Variants in GLIS3 observed in about 807,000 individuals in gnomAD.
GLIS3 encodes zinc finger protein GLIS3.
Under a neutral mutation model 78.6 loss-of-function variants are expected in GLIS3, and 53 were observed. The observed-to-expected ratio is 0.67, with a 90% CI of 0.54 to 0.85. GLIS3 has a LOEUF of 0.85. Among genes scored for constraint, GLIS3 ranks in the 40% least tolerant of loss-of-function variants. The probability of loss-of-function intolerance (pLI) is 0.00; values close to 1 mark genes in which losing one functional copy is unlikely to be tolerated. For synonymous variants in GLIS3, 684 were observed against 509.9 expected, an observed-to-expected ratio of 1.34 and a Z score of -4.60; for missense variants, 1,703 against 1,231.1, an observed-to-expected ratio of 1.38 and a Z score of -5.74.
At chr9:4,420,586 C>A in the GLIS3 span, among the ~76,000 whole-genome samples, 2 of 152,072 alleles carry the variant, frequency 1.3e-5, no homozygotes, top group African/African-American at 2.4e-5. Flanking sequence ...GTTTTCTCTC[C>A]CTAATGTTTA....
In GLIS3 at chr9:4,252,741, G is replaced by A. The variant is rs147178810; in HGVS notation, c.388+33297C>T. On this transcript the variant is annotated intron_variant, in intron 2 of 10. Transcript: ENST00000381971. Reference sequence around the variant, plus strand: ...TTTGTGCTGGATTTCCCTCATCTTCGTGGATTTATCTGTCTTTGGTCTTTG... The same window carrying A: ...TTTGTGCTGGATTTCCCTCATCTTCATGGATTTATCTGTCTTTGGTCTTTG... 5.5e-4 allele frequency among the ~76,000 whole-genome samples: 83 copies of A among 152,270 alleles called. 1 individual carries two copies. In the East Asian group the frequency reaches 0.014, roughly 27 times the overall value.
At chr9:4,074,172 G>A (rs1223143564) in intron 4 of GLIS3, among the ~76,000 whole-genome samples, 2 of 152,142 alleles carry the variant, frequency 1.3e-5, no homozygotes, top group Non-Finnish European at 2.9e-5. Flanking sequence ...TCCAGCCTAG[G>A]GATGGTCAAT....
the GLIS3 span, among the ~76,000 whole-genome samples, chr9:4,361,048 AGAG>A: frequency 6.6e-6 from 1 of 152,234 alleles, no homozygotes; most frequent in East Asian, 1.9e-4. Flanking sequence ...GCATCAGTCA[AGAG>A]TACACATGAA....
In GLIS3 at chr9:4,118,498, A is replaced by C; in HGVS notation, c.980T>G (p.Leu327Trp). The C allele has an allele frequency of 6.2e-7, 1 of 1,614,186 alleles. No homozygotes were observed. The highest frequency in any genetic ancestry group is 8.5e-7 in the Non-Finnish European group (1 of 1,180,016). ...NTIIRTSPTS[L>W]VAYINGSRAS... ...CCTCGACCCGTTGATGTAGGCCACCAAGGACGTGGGCGACGTGCGGATGAT... is the reference window on the plus strand; with the variant it reads ...CCTCGACCCGTTGATGTAGGCCACCCAGGACGTGGGCGACGTGCGGATGAT... The change falls in exon 4 of 11, where the codon TTG becomes TGG. Residue 327 changes from leucine to tryptophan, a missense_variant. Transcript: ENST00000381971. The surrounding 1 kb of genome is among the most constrained non-coding windows in gnomAD (Gnocchi z 4.7).
chr9:3,885,618 G>C (rs927919473), intron 7 of GLIS3, among the ~76,000 whole-genome samples: 1 of 152,198 alleles, frequency 6.6e-6, no homozygotes. Flanking sequence ...CGGAGGATAA[G>C]CTAATCAATG....
At chr9:3,903,613 A>G (rs955518170) in intron 6 of GLIS3, among the ~76,000 whole-genome samples, 3 of 152,156 alleles carry the variant, frequency 2.0e-5, no homozygotes, top group Non-Finnish European at 2.9e-5. Flanking sequence ...TTGGGCCTCA[A>G]CCATATGCCA....
At chr9:4,079,268 G>A (rs1247375861) in intron 4 of GLIS3, among the ~76,000 whole-genome samples, 1 of 152,182 alleles carries the variant, frequency 6.6e-6, no homozygotes, top group African/African-American at 2.4e-5. Flanking sequence ...AAAGGTATTA[G>A]AATTATTCCC....
intron 4 of GLIS3, among the ~76,000 whole-genome samples, chr9:3,998,063 G>A (rs1167830458): frequency 1.3e-5 from 2 of 151,936 alleles, no homozygotes; most frequent in Non-Finnish European, 2.9e-5. Flanking sequence ...TGCTTAAATT[G>A]CCTTACATGA....
the GLIS3 span, among the ~76,000 whole-genome samples, chr9:4,356,082 T>A: frequency 6.6e-6 from 1 of 152,240 alleles, no homozygotes; most frequent in African/African-American, 2.4e-5. Flanking sequence ...CTGAGTGGTC[T>A]TGGCCAAGTC....
chr9:3,917,550 G>A (rs1484836549), intron 6 of GLIS3, among the ~76,000 whole-genome samples: 1 of 151,802 alleles, frequency 6.6e-6, no homozygotes, highest in East Asian at 1.9e-4. Context: ...ATAGCAGGAT[G>A]AGCTCCAGTA....
the GLIS3 span, among the ~76,000 whole-genome samples, chr9:4,384,470 T>C: frequency 7.9e-5 from 12 of 151,772 alleles, no homozygotes; most frequent in Non-Finnish European, 1.5e-4. Context: ...GGCATTGAAA[T>C]TGTTTCTTTT....
At chr9:4,385,793 G>T in the GLIS3 span, among the ~76,000 whole-genome samples, 1 of 75,692 alleles carries the variant, frequency 1.3e-5, no homozygotes, top group African/African-American at 6.5e-5. Flanking sequence ...AAGAAAGAAA[G>T]AAAGAAAGAA....
intron 6 of GLIS3, among the ~76,000 whole-genome samples, chr9:3,911,683 G>A (rs559547694): frequency 6.6e-6 from 1 of 152,142 alleles, no homozygotes. Flanking sequence ...TGAGAAAGTT[G>A]TTTAACATTT....
chr9:4,020,787 T>C (rs1248298138), intron 4 of GLIS3, among the ~76,000 whole-genome samples: 1 of 152,180 alleles, frequency 6.6e-6, no homozygotes, highest in Non-Finnish European at 1.5e-5. Context: ...AGCAAATAAT[T>C]ACCAGCAGCA....
chr9:4,298,309 C>T, intron 1 of GLIS3: 1 of 454,188 alleles, frequency 2.2e-6, no homozygotes, highest in Non-Finnish European at 4.4e-6. Flanking sequence ...TCTCGCCTCC[C>T]AAACACCTCC....
chr9:4,105,050 T>C (rs1364415335), intron 4 of GLIS3, among the ~76,000 whole-genome samples: 2 of 152,210 alleles, frequency 1.3e-5, no homozygotes, highest in Non-Finnish European at 2.9e-5. Context: ...AGCCAAATAT[T>C]TAAAGATCTA....
the GLIS3 span, among the ~76,000 whole-genome samples, chr9:4,359,116 G>A: frequency 9.2e-5 from 14 of 152,058 alleles, no homozygotes; most frequent in African/African-American, 1.4e-4. Flanking sequence ...ACTCTCCTGC[G>A]GTCGAAAGTG....
At chr9:4,238,497 G>A (rs772251280) in intron 2 of GLIS3, among the ~76,000 whole-genome samples, 1 of 152,116 alleles carries the variant, frequency 6.6e-6, no homozygotes, top group Admixed American at 6.5e-5. Context: ...TTTAAAAAGT[G>A]CCAAATATGC....
At chr9:3,921,923 T>TACACACAGAC (rs1554647309) in intron 6 of GLIS3, among the ~76,000 whole-genome samples, 55 of 149,870 alleles carry the variant, frequency 3.7e-4, no homozygotes, top group African/African-American at 1.3e-3. Flanking sequence ...TCATACTGTG[T>TACACACAGAC]ACACACACAC....
Sources: gnomAD v4.1 joint callset for allele counts (sites outside exome capture counted in the v4.1 genomes callset) on GRCh38, gnomAD v4.1.1 for gene constraint, Gnocchi (gnomAD v3.1) non-coding constraint, MANE v1.5 for transcripts, NCBI Gene and HGNC (gene_info 2026-07-23, HGNC 2026-07-21) for gene names.